The following TRMT11 variants were observed in gnomAD, a reference collection of about 807,000 sequenced individuals.
TRMT11 encodes the protein tRNA (guanine(10)-N(2))-methyltransferase TRMT11.
In TRMT11, 53 loss-of-function variants were observed where a neutral mutation model predicts 62.8. The observed-to-expected ratio is 0.84, with a 90% confidence interval of 0.68 to 1.06. The LOEUF (loss-of-function observed/expected upper bound fraction) is 1.06. Ranked by LOEUF, TRMT11 falls within the 50% of genes least tolerant of loss-of-function variation. TRMT11 has a pLI of 0.00. For synonymous variants in TRMT11, 188 were observed against 190.3 expected (o/e 0.99, Z 0.10); for missense variants, 556 against 553.4 (o/e 1.00, Z -0.05).
intron 21 of TRMT11, among the ~76,000 whole-genome samples, chr6:126,145,489 G>A (rs1258032571): frequency 6.6e-6 from 1 of 152,178 alleles, no homozygotes; most frequent in Non-Finnish European, 1.5e-5. Context: ...TTTCCATTTA[G>A]CGCCAGGCAC....
chr6:126,206,424 C>T (rs1778792899), downstream of TRMT11, among the ~76,000 whole-genome samples: 1 of 152,172 alleles, frequency 6.6e-6, no homozygotes, highest in African/African-American at 2.4e-5. Context: ...CAATCTTTGT[C>T]GGTCTATGGA....
the TRMT11 span, among the ~76,000 whole-genome samples, chr6:126,250,479 G>A: frequency 0.012 from 1,788 of 152,230 alleles, 37 homozygotes; most frequent in African/African-American, 0.04. Flanking sequence ...ATAAATGAAA[G>A]GATCATGATA....
At chr6:126,134,600 A>G (rs1777829453) in intron 21 of TRMT11, among the ~76,000 whole-genome samples, 1 of 146,148 alleles carries the variant, frequency 6.8e-6, no homozygotes. Context: ...CAGAAAATCA[A>G]CAAACAAACA....
chr6:126,150,248 T>G (rs1377309301), intron 21 of TRMT11, among the ~76,000 whole-genome samples: 14 of 152,186 alleles, frequency 9.2e-5, no homozygotes, highest in Admixed American at 9.2e-4. Context: ...TGTGCAGCTT[T>G]GGGATCCTTT....
At chr6:126,258,732 T>C in the TRMT11 span, among the ~76,000 whole-genome samples, 2 of 152,252 alleles carry the variant, frequency 1.3e-5, no homozygotes, top group African/African-American at 4.8e-5. Context: ...GTCTAATTTT[T>C]AATCTTTTAT....
At chr6:125,998,189 AAAT>A in intron 4 of TRMT11, 31 bp from the exon 5 acceptor site, 1 of 1,595,256 alleles carries the variant, frequency 6.3e-7, no homozygotes, top group Non-Finnish European at 8.6e-7. Context: ...TGTAGAATTA[AAAT>A]ACTCAAAAAA....
chr6:126,179,050 C>T (rs529319226), intron 1 of TRMT11, among the ~76,000 whole-genome samples: 115 of 152,088 alleles, frequency 7.6e-4, no homozygotes, highest in African/African-American at 2.7e-3. Flanking sequence ...AAAATTTCAA[C>T]CAATTACTTC....
intron 17 of TRMT11, among the ~76,000 whole-genome samples, chr6:126,099,882 T>C (rs1777379795): frequency 6.6e-6 from 1 of 152,110 alleles, no homozygotes; most frequent in East Asian, 1.9e-4. Flanking sequence ...GAAGAAGTGG[T>C]TGTGGGTCTG....
intron 21 of TRMT11, among the ~76,000 whole-genome samples, chr6:126,171,132 T>C (rs1778325557): frequency 6.6e-6 from 1 of 152,194 alleles, no homozygotes; most frequent in South Asian, 2.1e-4. Flanking sequence ...TTTGGTTTCA[T>C]CTACTTAAAC....
At chr6:126,104,779 C>T (rs376898364) in intron 17 of TRMT11, among the ~76,000 whole-genome samples, 2 of 152,152 alleles carry the variant, frequency 1.3e-5, no homozygotes, top group East Asian at 1.9e-4. Flanking sequence ...CTCTTCTTCT[C>T]CCATTGTTTA....
intron 3 of TRMT11, 144 bp from the exon 4 acceptor site, chr6:125,997,909 T>C (rs1476854783): frequency 3.1e-5 from 18 of 582,726 alleles, no homozygotes; most frequent in Non-Finnish European, 5.5e-5. Context: ...TACCCATTTA[T>C]CTAAAATAAC....
chr6:126,143,047 T>C (rs1777936489), intron 21 of TRMT11, among the ~76,000 whole-genome samples: 1 of 152,140 alleles, frequency 6.6e-6, no homozygotes, highest in Admixed American at 6.6e-5. Context: ...GTATACACTG[T>C]ATTTTATCTC....
intron 21 of TRMT11, among the ~76,000 whole-genome samples, chr6:126,120,875 C>G (rs1040455913): frequency 3.3e-5 from 5 of 152,116 alleles, no homozygotes; most frequent in East Asian, 3.9e-4. Flanking sequence ...TTTGAGTCAT[C>G]AAACTTCTTC....
intron 3 of TRMT11, 24 bp from the exon 4 acceptor site, chr6:125,998,029 T>C: frequency 1.3e-6 from 2 of 1,517,734 alleles, no homozygotes; most frequent in Non-Finnish European, 1.8e-6. Flanking sequence ...TTACTGAGGT[T>C]AGTACCAATC....
At chr6:126,176,957 A>C (rs1048705223), upstream of TRMT11, among the ~76,000 whole-genome samples, 10 of 152,142 alleles carry the variant, frequency 6.6e-5, no homozygotes, top group Non-Finnish European at 1.5e-4. Flanking sequence ...GAATTTGGAA[A>C]GAAACCAAAA....
At chr6:126,034,364 A>G (rs911828125) in intron 12 of TRMT11, among the ~76,000 whole-genome samples, 1 of 152,188 alleles carries the variant, frequency 6.6e-6, no homozygotes, top group African/African-American at 2.4e-5. Flanking sequence ...CCTTTCTTGA[A>G]TCATAACTTG....
chr6:126,144,352 A>G (rs1264396370), intron 21 of TRMT11, among the ~76,000 whole-genome samples: 1 of 152,154 alleles, frequency 6.6e-6, no homozygotes, highest in Non-Finnish European at 1.5e-5. Context: ...AATTGGCGTG[A>G]ATTCATTTCT....
chr6:126,056,151 GATA>G (rs1776369149), intron 17 of TRMT11, among the ~76,000 whole-genome samples: 1 of 152,162 alleles, frequency 6.6e-6, no homozygotes, highest in African/African-American at 2.4e-5. Context: ...GTTAACATAA[GATA>G]ATAACCTTTC....
intron 17 of TRMT11, among the ~76,000 whole-genome samples, chr6:126,109,706 A>G (rs1269127233): frequency 6.6e-6 from 1 of 152,198 alleles, no homozygotes; most frequent in Non-Finnish European, 1.5e-5. Context: ...TATCAGGATC[A>G]GTCATGGAAA....
Sources: allele counts gnomAD v4.1 joint callset (sites outside exome capture counted in the v4.1 genomes callset), GRCh38; gene constraint gnomAD v4.1.1; transcripts MANE v1.5; gene names NCBI Gene and HGNC (gene_info 2026-07-23, HGNC 2026-07-21).